Variants in COL13A1 observed in about 807,000 individuals in gnomAD.
COL13A1 encodes the protein collagen alpha-1(XIII) chain.
A neutral mutation model predicts 130.9 loss-of-function variants in COL13A1; 89 were observed. The ratio of observed to expected loss-of-function variants is 0.68; its 90% CI spans 0.57 to 0.81. COL13A1 has a LOEUF of 0.81. Among genes scored for constraint, COL13A1 ranks in the 30% least tolerant of loss-of-function variants. The pLI is 0.00. For missense variants in COL13A1, 879 were observed against 934.6 expected, an observed-to-expected ratio of 0.94 and a Z score of 0.78; for synonymous variants, 402 against 341.6, an observed-to-expected ratio of 1.18 and a Z score of -1.95.
Position 69,802,497 on chromosome 10 carries a change from CGGTGGCTCT to C in COL13A1, c.81_89del (p.Leu28_Ala30del). The C allele has an allele frequency of 3.3e-6, 5 of 1,534,604 alleles. No individual in the cohort carries two copies. The highest frequency in any genetic ancestry group is 4.4e-6 in the Non-Finnish European group (5 of 1,143,174). On this transcript the variant is annotated inframe_deletion, in exon 1 of 41. Coordinates refer to ENST00000645393, the MANE Select transcript of COL13A1 (RefSeq NM_001368882.1). ...CCTGGGGAGTTGGGCGCGCCCGGGA[CGGTGGCTCT>C]GGTGGCGGCGCGGGCGGAGCGCGGC...
At chr10:69,948,572 G>T (rs1356195175) in intron 38 of COL13A1, among the ~76,000 whole-genome samples, 1 of 152,168 alleles carries the variant, frequency 6.6e-6, no homozygotes, top group African/African-American at 2.4e-5. Context: ...TGGCATCAAA[G>T]GATTTAGGCC....
chr10:69,837,936 AT>A (rs1850540083), intron 2 of COL13A1, among the ~76,000 whole-genome samples: 1 of 152,174 alleles, frequency 6.6e-6, no homozygotes, highest in Non-Finnish European at 1.5e-5. Context: ...GCCCCCTGTG[AT>A]GTGACGAGCC....
rs763670932 is a variant in COL13A1, at chr10:69,888,265, G to A, written c.550-39G>A. ...AGGCAGCCTCTTTGGCAGGAGTCCT[G>A]TGATGCTCAGTCTTTACATCTGGCC... On this transcript the variant is annotated intron_variant, in intron 8 of 40. Coordinates refer to ENST00000645393, the MANE Select transcript of COL13A1 (RefSeq NM_001368882.1). The A allele has an allele frequency of 1.2e-5, 19 of 1,610,624 alleles. No individual in the cohort carries two copies. In the South Asian group the frequency reaches 1.9e-4, roughly 16 times the overall value.
At chr10:69,946,893 T>C (rs997868122) in intron 37 of COL13A1, among the ~76,000 whole-genome samples, 1 of 152,148 alleles carries the variant, frequency 6.6e-6, no homozygotes, top group Non-Finnish European at 1.5e-5. Context: ...GTTCAAGCGA[T>C]TCTCCTGCCT....
chr10:69,917,265 A>G, intron 17 of COL13A1, 24 bp from the exon 18 acceptor site: 2 of 1,613,392 alleles, frequency 1.2e-6, no homozygotes, highest in Non-Finnish European at 8.5e-7. Context: ...TCCTCTCCTC[A>G]TGCTTTCTCA....
chr10:69,829,570 T>A (rs1215071192), intron 2 of COL13A1, among the ~76,000 whole-genome samples: 2 of 152,192 alleles, frequency 1.3e-5, no homozygotes, highest in Non-Finnish European at 2.9e-5. Flanking sequence ...GACTCTTGGC[T>A]CCAAACGAAG....
rs776165085 is a variant in COL13A1, at chr10:69,937,695, C to T, written c.1858C>T (p.Arg620Cys). ...AGGCTTCCAGGGAGAAAAAGGAGAC[C>T]GTGGTCCCCTGGGACTACCCGTAAG... is the stretch of plus-strand genomic sequence containing the variant. ...EKGFQGEKGD[R>C]GPLGLPGASG... Residue 620 changes from arginine to cysteine, a missense_variant, in exon 34 of 41, where the codon CGT becomes TGT. Transcript: ENST00000645393. 33 of 1,567,454 alleles carry T rather than the reference C, an allele frequency of 2.1e-5. No homozygotes were observed. In the East Asian group the frequency reaches 3.6e-4, roughly 17 times the overall value.
chr10:69,929,988 T>G (rs2065893236), intron 28 of COL13A1, 55 bp from the exon 29 acceptor site: 3 of 1,523,196 alleles, frequency 2.0e-6, no homozygotes, highest in Non-Finnish European at 2.7e-6. Context: ...AATGCGTAAC[T>G]GATGGCTGCT....
intron 2 of COL13A1, among the ~76,000 whole-genome samples, chr10:69,846,793 T>C (rs939891846): frequency 2.0e-5 from 3 of 152,164 alleles, no homozygotes; most frequent in African/African-American, 7.2e-5. Context: ...CAGAGGAAGT[T>C]TCCCTGGAGG....
intron 33 of COL13A1, among the ~76,000 whole-genome samples, chr10:69,937,090 A>G (rs893891242): frequency 6.6e-6 from 1 of 152,184 alleles, no homozygotes; most frequent in East Asian, 1.9e-4. Context: ...TAGAGGTGGG[A>G]GAGAGACAGC....
intron 2 of COL13A1, among the ~76,000 whole-genome samples, chr10:69,838,393 C>T (rs1290251909): frequency 6.6e-6 from 1 of 152,244 alleles, no homozygotes; most frequent in Non-Finnish European, 1.5e-5. Context: ...AGTGACTTGA[C>T]ATCTCTGAGC....
chr10:69,839,036 TC>T (rs1200352039), intron 2 of COL13A1, among the ~76,000 whole-genome samples: 1 of 152,178 alleles, frequency 6.6e-6, no homozygotes. Context: ...TAGAAACCCA[TC>T]CCCTGATTGG....
intron 28 of COL13A1, among the ~76,000 whole-genome samples, chr10:69,929,818 T>C (rs1462284370): frequency 6.6e-6 from 1 of 152,204 alleles, no homozygotes; most frequent in Non-Finnish European, 1.5e-5. Flanking sequence ...TCCTGGCTCC[T>C]CAGTTCACTA....
intron 2 of COL13A1, among the ~76,000 whole-genome samples, chr10:69,823,748 G>C (rs557608629): frequency 1.1e-4 from 16 of 152,258 alleles, no homozygotes; most frequent in African/African-American, 3.6e-4. Context: ...GTGAGAAGAG[G>C]GTCGTCCGGG....
intron 34 of COL13A1, among the ~76,000 whole-genome samples, chr10:69,938,138 GCA>G (rs537559669): frequency 3.7e-4 from 57 of 152,324 alleles, no homozygotes; most frequent in Non-Finnish European, 7.1e-4. Flanking sequence ...CCCCTCTTAA[GCA>G]CTGGTCATTG....
intron 3 of COL13A1, among the ~76,000 whole-genome samples, chr10:69,868,644 C>T (rs1402653524): frequency 6.6e-6 from 1 of 152,224 alleles, no homozygotes; most frequent in African/African-American, 2.4e-5. Context: ...ATCATCCCTT[C>T]CTTGGAGAAG....
At position 69,915,722 on chromosome 10, in the gene COL13A1, T is replaced by C. The variant is rs148977498; in HGVS notation, c.922-1567T>C. The stretch of plus-strand genomic sequence containing the variant: ...TGGTCCATAGGGGTGCAGGAGTCAG[T>C]GTGCGAGGGCAGCTCAGCCCAGGGC... On this transcript the variant is annotated intron_variant, in intron 17 of 40. Coordinates refer to ENST00000645393, the MANE Select transcript of COL13A1 (RefSeq NM_001368882.1). Among the ~76,000 whole-genome samples the C allele has an allele frequency of 3.9e-3, 589 of 152,320 alleles. 4 individuals carry two copies. Among genetic ancestry groups the C allele is most frequent in the African/African-American group, 0.014 (563 of 41,576 alleles).
intron 2 of COL13A1, among the ~76,000 whole-genome samples, chr10:69,851,686 A>G (rs2683566): frequency 0.76 from 115,448 of 152,058 alleles, 44,353 homozygotes; most frequent in East Asian, 0.93. Flanking sequence ...ATGGAGTCTC[A>G]CTCTGTTGTC....
intron 17 of COL13A1, among the ~76,000 whole-genome samples, chr10:69,916,465 G>A (rs1010533868): frequency 1.7e-4 from 26 of 152,192 alleles, no homozygotes; most frequent in African/African-American, 5.5e-4. Flanking sequence ...TGATGTAGCC[G>A]ATGATAGTCC....
Sources: allele counts gnomAD v4.1 joint callset (sites outside exome capture counted in the v4.1 genomes callset), GRCh38; gene constraint gnomAD v4.1.1; transcripts MANE v1.5; gene names NCBI Gene and HGNC (gene_info 2026-07-23, HGNC 2026-07-21).